The following CABIN1 variants were observed in gnomAD, a reference collection of about 807,000 sequenced individuals.
CABIN1 encodes calcineurin binding protein 1.
Under a neutral mutation model 227.7 loss-of-function variants are expected in CABIN1, and 133 were observed. The ratio of observed to expected loss-of-function variants is 0.58; its 90% CI spans 0.51 to 0.67. CABIN1 has a LOEUF of 0.67. CABIN1 is among the 30% of genes least tolerant of loss of function. CABIN1 has a pLI of 0.00. For missense variants in CABIN1, 2,408 were observed against 2,852.5 expected (o/e 0.84, Z 3.55); for synonymous variants, 1,086 against 1,155.1 (o/e 0.94, Z 1.21).
At chr22:24,069,667 C>T (rs2039947542) in intron 16 of CABIN1, among the ~76,000 whole-genome samples, 1 of 152,180 alleles carries the variant, frequency 6.6e-6, no homozygotes, top group Admixed American at 6.5e-5. Context: ...CTGTAGGCAC[C>T]CTCGCACCCC....
chr22:24,067,617 T>C (rs2039782730), intron 16 of CABIN1, among the ~76,000 whole-genome samples: 1 of 152,246 alleles, frequency 6.6e-6, no homozygotes, highest in Non-Finnish European at 1.5e-5. Context: ...ACTAGCCTTA[T>C]GTTTGAAACC....
intron 34 of CABIN1, among the ~76,000 whole-genome samples, chr22:24,174,010 T>G (rs1162291888): frequency 1.3e-5 from 2 of 151,744 alleles, no homozygotes; most frequent in Non-Finnish European, 1.5e-5. Context: ...TTTTTAATTT[T>G]TATTTTTTAT....
intron 12 of CABIN1, among the ~76,000 whole-genome samples, chr22:24,061,047 C>T (rs1235311211): frequency 1.3e-5 from 2 of 152,198 alleles, no homozygotes. Flanking sequence ...CATCCCAAAG[C>T]ACTGGGATGA....
chr22:24,107,836 A>T (rs1007679125), intron 26 of CABIN1, among the ~76,000 whole-genome samples: 4 of 152,218 alleles, frequency 2.6e-5, no homozygotes, highest in African/African-American at 9.6e-5. Flanking sequence ...CGGTGAAATC[A>T]TCCTAGCAAG....
At chr22:24,098,397 C>A in intron 26 of CABIN1, 2 of 1,109,900 alleles carry the variant, frequency 1.8e-6, no homozygotes, top group South Asian at 1.5e-5. Context: ...CGCCACCTGC[C>A]AGCTTGCCCA....
chr22:24,126,894 T>G (rs1419108119), intron 28 of CABIN1, among the ~76,000 whole-genome samples: 1 of 150,408 alleles, frequency 6.6e-6, no homozygotes, highest in Non-Finnish European at 1.5e-5. Flanking sequence ...AGCTACTCAG[T>G]AGGCTAAGGA....
intron 28 of CABIN1, among the ~76,000 whole-genome samples, chr22:24,123,507 T>G (rs987447507): frequency 6.6e-5 from 10 of 152,186 alleles, no homozygotes; most frequent in Non-Finnish European, 1.2e-4. Context: ...CAGAAACCTT[T>G]GCTGAGCACC....
In CABIN1 at chr22:24,140,504, C is replaced by G. The variant is rs574644470; in HGVS notation, c.4746+6089C>G. On this transcript the variant is annotated intron_variant, in intron 29 of 36. Coordinates refer to ENST00000263119, the MANE Select transcript of CABIN1 (RefSeq NM_012295.4). ...GCCCAGAAGCTTCTGGGGCTCCCCC[C>G]GCAGGCATACACACCTCTGGCAGGC... 1.4e-4 allele frequency among the ~76,000 whole-genome samples: 22 copies of G among 152,262 alleles called. No individual in the cohort carries two copies. In the South Asian group the frequency reaches 3.5e-3, roughly 24 times the overall value.
intron 3 of CABIN1, among the ~76,000 whole-genome samples, chr22:24,037,140 G>C (rs896184126): frequency 1.4e-4 from 22 of 151,756 alleles, no homozygotes; most frequent in Admixed American, 9.8e-4. Context: ...CATGTCTGTA[G>C]TCCCAGCTAC....
At chr22:24,052,679 T>G (rs777515755) in intron 8 of CABIN1, among the ~76,000 whole-genome samples, 7 of 151,138 alleles carry the variant, frequency 4.6e-5, no homozygotes, top group African/African-American at 1.7e-4. Flanking sequence ...TAGTTCCAGC[T>G]ACTTGGGAGG....
intron 29 of CABIN1, among the ~76,000 whole-genome samples, chr22:24,143,979 T>C (rs1450606371): frequency 1.3e-5 from 2 of 152,200 alleles, no homozygotes; most frequent in Non-Finnish European, 2.9e-5. Flanking sequence ...GAGAGAATGC[T>C]GCCAAAGGGA....
At chr22:24,080,328 C>T (rs1029642355) in intron 19 of CABIN1, among the ~76,000 whole-genome samples, 2 of 152,188 alleles carry the variant, frequency 1.3e-5, no homozygotes, top group Admixed American at 6.5e-5. Context: ...AACCTACTCA[C>T]GTACCTCTTA....
intron 16 of CABIN1, 44 bp downstream of exon 16, chr22:24,067,225 C>T (rs1569159112): frequency 6.3e-7 from 1 of 1,594,824 alleles, no homozygotes; most frequent in South Asian, 1.1e-5. Flanking sequence ...CACCTTCTCT[C>T]CTTGCTTGTT....
chr22:24,014,277 T>A (rs527251257), intron 1 of CABIN1, among the ~76,000 whole-genome samples: 1 of 152,260 alleles, frequency 6.6e-6, no homozygotes, highest in African/African-American at 2.4e-5. Flanking sequence ...ATTATTTATG[T>A]GTCAGTGTAG....
In CABIN1 at chr22:24,050,920, T is replaced by C. The variant is rs762846203; in HGVS notation, c.752T>C (p.Ile251Thr). 1.2e-6 allele frequency: 2 copies of C among 1,614,214 alleles called. No homozygotes were observed. ...CTGCGAAAAAAGAGGCAAGCGCTGATTGTGCGGGAGAAGGAGCCGGACCTG... is the reference window on the plus strand; with the variant it reads ...CTGCGAAAAAAGAGGCAAGCGCTGACTGTGCGGGAGAAGGAGCCGGACCTG... ...LGLRKKRQALIVREKEPDLKL... is the reference protein window; with the variant it reads ...LGLRKKRQALTVREKEPDLKL... Residue 251 changes from isoleucine (I) to threonine (T), a missense_variant, in exon 8 of 37, where the codon ATT becomes ACT. Around this residue, in one of 3 missense-constraint regions of CABIN1, gnomAD observed 1,045 missense variants for 1,168.4 expected, o/e 0.89. Coordinates refer to ENST00000263119, the MANE Select transcript of CABIN1 (RefSeq NM_012295.4).
At position 24,076,220 on chromosome 22, in the gene CABIN1, C is replaced by T; in HGVS notation, c.2684C>T (p.Ala895Val). ...TCCTCCCTCATGCTGCTGAACACAG[C>T]CCACGAGTATTTGGGCAGAAGGTCC... ...LPSSLMLLNT[A>V]HEYLGRRSWC... The change falls in exon 19 of 37, where the codon GCC becomes GTC. Residue 895 changes from alanine to valine, a missense_variant. By Grantham distance (64) the Ala-to-Val change is moderately conservative. Coordinates refer to ENST00000263119, the MANE Select transcript of CABIN1 (RefSeq NM_012295.4). 6.2e-7 allele frequency: 1 copy of T among 1,614,156 alleles called. No individual in the cohort carries two copies. The highest frequency in any genetic ancestry group is 8.5e-7 in the Non-Finnish European group (1 of 1,180,024).
chr22:24,116,290 C>T (rs986338728), intron 27 of CABIN1, among the ~76,000 whole-genome samples: 1 of 152,348 alleles, frequency 6.6e-6, no homozygotes, highest in African/African-American at 2.4e-5. Flanking sequence ...CACAAGCCCA[C>T]TCTATCATAT....
chr22:24,038,856 AC>A (rs2037134289), intron 4 of CABIN1, among the ~76,000 whole-genome samples: 1 of 152,200 alleles, frequency 6.6e-6, no homozygotes. Context: ...GTTTGCTGAT[AC>A]CTAATGATCC....
chr22:24,151,261 G>A (rs2045467289), intron 29 of CABIN1, among the ~76,000 whole-genome samples: 1 of 152,112 alleles, frequency 6.6e-6, no homozygotes, highest in East Asian at 1.9e-4. Context: ...AGGCCGTCCA[G>A]GGAGGACACC....
Sources: gnomAD v4.1 joint callset for allele counts (sites outside exome capture counted in the v4.1 genomes callset) on GRCh38, gnomAD v4.1.1 for gene constraint, gnomAD v4.1.1 regional missense constraint, MANE v1.5 for transcripts, NCBI Gene and HGNC (gene_info 2026-07-23, HGNC 2026-07-21) for gene names.